The following PCSK7 variants were observed in gnomAD, a reference collection of about 807,000 sequenced individuals.
PCSK7 encodes lymphoma proprotein convertase.
In PCSK7, 38 loss-of-function variants were observed where a neutral mutation model predicts 73.3. The ratio of observed to expected loss-of-function variants is 0.52; its 90% CI spans 0.40 to 0.68. The LOEUF (loss-of-function observed/expected upper bound fraction) is 0.68, where lower values mean the gene tolerates loss of function less well. Ranked by LOEUF, PCSK7 falls within the 30% of genes least tolerant of loss-of-function variation. PCSK7 has a pLI of 0.00. For synonymous variants in PCSK7, 296 were observed against 383.8 expected, an observed-to-expected ratio of 0.77 and a Z score of 2.68; for missense variants, 692 against 991.5, an observed-to-expected ratio of 0.70 and a Z score of 4.06.
chr11:117,229,618 G>A lies in PCSK7; in HGVS notation c.227C>T (p.Ala76Val). ...EEETLEQQAD[A>V]LAQAAGLVNA... ...CACCAGCCCTGCTGCCTGGGCCAAG[G>A]CATCCGCCTGCTGCTCCAGAGTCTC... The change falls in exon 3 of 17, where the codon GCC becomes GTC. Residue 76 changes from alanine to valine, a missense_variant. Around this residue, in one of 6 missense-constraint regions of PCSK7, gnomAD observed 574 missense variants for 689.8 expected, o/e 0.83. Transcript: ENST00000320934. The A allele has an allele frequency of 5.0e-6, 8 of 1,614,038 alleles. No individual in the cohort carries two copies. Among genetic ancestry groups the A allele is most frequent in the Non-Finnish European group, 6.8e-6 (8 of 1,179,922 alleles).
intron 9 of PCSK7, chr11:117,222,350 T>C (rs2032236181): frequency 6.6e-6 from 1 of 152,352 alleles, no homozygotes; most frequent in East Asian, 1.9e-4. Flanking sequence ...TCATTTGCTA[T>C]GGCTCCAATT....
intron 3 of PCSK7, among the ~76,000 whole-genome samples, chr11:117,228,645 G>A (rs2134332873): frequency 2.1e-5 from 3 of 140,216 alleles, no homozygotes; most frequent in African/African-American, 8.0e-5. Flanking sequence ...ACGGAGTCTT[G>A]CTCTGTCACC....
In PCSK7 at chr11:117,218,478, C is replaced by A. The variant is rs1356159061; in HGVS notation, c.1522G>T (p.Val508Phe). Residue 508 changes from valine (V) to phenylalanine (F), a missense_variant, in exon 12 of 17, where the codon GTC becomes TTC. Physicochemically the swap from Val to Phe is conservative, Grantham distance 50 (BLOSUM62 -1). This residue lies in a region of PCSK7 where 8 missense variants were observed against 48.2 expected (regional missense o/e 0.17). Coordinates refer to ENST00000320934, the MANE Select transcript of PCSK7 (RefSeq NM_004716.4). The surrounding 1 kb of genome is among the most constrained non-coding windows in gnomAD (Gnocchi z 4.0). The stretch of plus-strand genomic sequence containing the variant: ...GCTGATTACTTACCATTCCACAGGA[C>A]CTCCAGGGAACGGGGGGACTGCGGA... Reference protein sequence around the residue: ...AIPQSPRSLEVLWNVSRMDLE... With the variant: ...AIPQSPRSLEFLWNVSRMDLE... The A allele has an allele frequency of 6.3e-7, 1 of 1,597,140 alleles. No homozygotes were observed. The highest frequency in any genetic ancestry group is 1.1e-5 in the South Asian group (1 of 89,180).
At position 117,224,963 on chromosome 11, in the gene PCSK7, T is replaced by C. The variant is rs1046030943; in HGVS notation, c.861-208A>G. 8.7e-6 allele frequency: 5 copies of C among 577,558 alleles called. No homozygotes were observed. The African/African-American group carries it at 9.4e-5, about 11-fold the overall frequency. 35.8% of individuals were successfully genotyped at this position (577,558 alleles called of 1,614,324 possible). A position where few individuals can be genotyped will look rare whatever the true frequency, so the allele number is the denominator to read the frequency against. On this transcript the variant is annotated intron_variant, in intron 6 of 16. Coordinates refer to ENST00000320934, the MANE Select transcript of PCSK7 (RefSeq NM_004716.4). ...GGAAAACAGAAGTGTGCTAAGGCTC[T>C]TCTTTTCCTTGTGAATGTCCCCATA...
At chr11:117,231,346 T>G (rs2032655624) in intron 1 of PCSK7, 1 of 152,346 alleles carries the variant, frequency 6.6e-6, no homozygotes, top group South Asian at 2.1e-4. Context: ...TTCTCTTAGG[T>G]TTCCAGGCAT....
rs114121102 is a variant in PCSK7 at position 117,224,874 on chromosome 11, T to G, written c.861-119A>C. On this transcript the variant is annotated intron_variant, in intron 6 of 16. Transcript: ENST00000320934. The stretch of plus-strand genomic sequence containing the variant: ...TGCAGCTCTTAACTCCTCCCAAGGG[T>G]TCCACTTAAAGGCTTCCGTGATTAA... The G allele has an allele frequency of 2.3e-3, 1,756 of 767,914 alleles. 22 individuals are homozygous for G. The African/African-American group carries it at 0.028, about 12-fold the overall frequency. 47.6% of individuals were successfully genotyped at this position (767,914 alleles called of 1,614,324 possible). A position where few individuals can be genotyped will look rare whatever the true frequency, so the allele number is the denominator to read the frequency against.
In PCSK7 at chr11:117,219,588, C is replaced by T. The variant is rs765169544; in HGVS notation, c.1323+3G>A. 3 of 1,612,222 alleles carry T rather than the reference C, an allele frequency of 1.9e-6. No individual in the cohort carries two copies. The highest frequency in any genetic ancestry group is 2.5e-6 in the Non-Finnish European group (3 of 1,179,532). ...GCCACTTGTCTACCTGCTGGTATCT[C>T]ACCCGGGTGGCTGTGAAGACAATGA... On this transcript the variant is annotated splice_donor_region_variant and intron_variant, in intron 10 of 16. Transcript: ENST00000320934.
At chr11:117,223,974 T>C (rs1033304754) in intron 8 of PCSK7, 104 bp downstream of exon 8, 78 of 1,201,468 alleles carry the variant, frequency 6.5e-5, no homozygotes, top group Non-Finnish European at 8.4e-5. Flanking sequence ...AAAGAGATTA[T>C]TGTGCTCACA....
chr11:117,219,601 G>A lies in PCSK7; in HGVS notation c.1313C>T (p.Thr438Ile). The change falls in exon 10 of 17, where the codon ACA (threonine) becomes ATA (isoleucine). Residue 438 changes from threonine (T) to isoleucine (I), a missense_variant. Physicochemically the swap from Thr to Ile is moderately conservative, Grantham distance 89 (BLOSUM62 -1). Coordinates refer to ENST00000320934, the MANE Select transcript of PCSK7 (RefSeq NM_004716.4). ...WRDVQHIIVF[T>I]ATRYEDRRAE... ...CTGCTGGTATCTCACCCGGGTGGCT[G>A]TGAAGACAATGATGTGCTGGACGTC... The A allele has an allele frequency of 6.2e-7, 1 of 1,612,696 alleles. No individual in the cohort carries two copies. Among genetic ancestry groups the A allele is most frequent in the Non-Finnish European group, 8.5e-7 (1 of 1,179,508 alleles).
rs1444023185 is a variant in PCSK7 at position 117,223,029 on chromosome 11, CAG to C, written c.1155+177_1155+178del. On this transcript the variant is annotated intron_variant, in intron 9 of 16. Transcript: ENST00000320934. ...GATAAAAGCATTCCCAAGATGTATT[CAG>C]AGTCCCCGAGTCTACTACTCCAAGG... 24 of 590,578 alleles carry C rather than the reference CAG, an allele frequency of 4.1e-5. 1 individual carries two copies. The South Asian group carries it at 4.4e-4, about 11-fold the overall frequency. 36.6% of individuals were successfully genotyped at this position (590,578 alleles called of 1,614,324 possible).
At position 117,212,404 on chromosome 11, in the gene PCSK7, CTTTTTTTTTTT is replaced by C. The variant is rs1196002458; in HGVS notation, c.1535-3362_1535-3352del. 4.0e-5 allele frequency: 5 copies of C among 124,944 alleles called. No individual in the cohort carries two copies. In the Admixed American group the frequency reaches 4.2e-4, roughly 11 times the overall value. 7.7% of individuals were successfully genotyped at this position (124,944 alleles called of 1,614,324 possible). ...ATTACATCACAGTTTTTTTTCTTTT[CTTTTTTTTTTT>C]TTTTTTTTGAGACGAAGTCTTGCTC... On this transcript the variant is annotated intron_variant, in intron 12 of 16. Coordinates refer to ENST00000320934, the MANE Select transcript of PCSK7 (RefSeq NM_004716.4).
rs1433570740 is a variant in PCSK7 at position 117,204,846 on chromosome 11, T to C, written c.*1151A>G. On this transcript the variant is annotated 3_prime_UTR_variant, in exon 17 of 17. Coordinates refer to ENST00000320934, the MANE Select transcript of PCSK7 (RefSeq NM_004716.4). ...TGGTCACTTTTGTTATGGTTTCAGA[T>C]CTGCGCAGGGGACAGGCAGGCATCT... 1 of 295,776 alleles carries C rather than the reference T, an allele frequency of 3.4e-6. No individual in the cohort carries two copies. Among genetic ancestry groups the C allele is most frequent in the Non-Finnish European group, 6.6e-6 (1 of 150,408 alleles). The allele number at this position is 295,776 out of a possible 1,614,324, so 18.3% of individuals were successfully genotyped here.
At chr11:117,219,390 C>T in intron 10 of PCSK7, 1 of 638,322 alleles carries the variant, frequency 1.6e-6, no homozygotes, top group Non-Finnish European at 2.7e-6. Context: ...ACAGCCAGAG[C>T]TCCCCTTTGC....
chr11:117,227,082 TA>T, intron 5 of PCSK7, 74 bp downstream of exon 5: 1 of 1,187,632 alleles, frequency 8.4e-7, no homozygotes, highest in Non-Finnish European at 1.2e-6. Context: ...TGTTTCAGAG[TA>T]GGGAGGGGTG....
intron 8 of PCSK7, 93 bp downstream of exon 8, chr11:117,223,985 C>A: frequency 7.7e-7 from 1 of 1,301,794 alleles, no homozygotes; most frequent in Non-Finnish European, 1.1e-6. Context: ...TGTGCTCACA[C>A]ATTTAGACAC....
intron 10 of PCSK7, 61 bp from the exon 11 acceptor site, chr11:117,219,225 C>G: frequency 1.6e-6 from 2 of 1,228,624 alleles, no homozygotes; most frequent in Non-Finnish European, 2.3e-6. Context: ...AACAATCTGA[C>G]TCTGGTTTCC....
Position 117,227,182 on chromosome 11 carries a change from G to T in PCSK7, c.744C>A (p.Gly248=), listed in dbSNP as rs138324399. 1 of 1,608,598 alleles carries T rather than the reference G, an allele frequency of 6.2e-7. No individual in the cohort carries two copies. Among genetic ancestry groups the T allele is most frequent in the Non-Finnish European group, 8.5e-7 (1 of 1,177,244 alleles). ...AVPNNSFCAV[G]VAYGSRIAGI... Reference sequence around the variant, plus strand: ...CTGCGATGCGGCTCCCGTAGGCCACGCCCACGGCACAGAAGCTGTTGTTGG... The same window carrying T: ...CTGCGATGCGGCTCCCGTAGGCCACTCCCACGGCACAGAAGCTGTTGTTGG... The change falls in exon 5 of 17, where the codon GGC becomes GGA. Residue 248 remains glycine, a synonymous_variant. Transcript: ENST00000320934.
rs775273302 is a variant in PCSK7, at chr11:117,216,431, CA to C, written c.1534+2034del. ...TCCTGGGACTGAGCTGCTCAACTCT[CA>C]ATTTTTTTTTTTTTTTTTTTTTTTG... On this transcript the variant is annotated intron_variant, in intron 12 of 16. Transcript: ENST00000320934. The C allele has an allele frequency of 3.1e-3, 356 of 115,134 alleles. 22 individuals are homozygous for C. The highest frequency in any genetic ancestry group is 0.02 in the Middle Eastern group (4 of 200). The allele number at this position is 115,134 out of a possible 1,614,324, so 7.1% of individuals were successfully genotyped here.
At chr11:117,228,405 A>G in intron 3 of PCSK7, 55 bp from the exon 4 acceptor site, 1 of 1,545,084 alleles carries the variant, frequency 6.5e-7, no homozygotes, top group Non-Finnish European at 8.9e-7. Flanking sequence ...CCAGAGGGAG[A>G]TGAAGTTATA....
Sources: allele counts gnomAD v4.1 joint callset (sites outside exome capture counted in the v4.1 genomes callset), GRCh38; gene constraint gnomAD v4.1.1; regional missense constraint gnomAD v4.1.1; non-coding constraint Gnocchi (gnomAD v3.1); transcripts MANE v1.5; gene names NCBI Gene and HGNC (gene_info 2026-07-23, HGNC 2026-07-21).